The following SLC44A5 variants were observed in gnomAD, a reference collection of about 807,000 sequenced individuals.
The protein encoded by SLC44A5 is choline transporter-like protein 5.
Under a neutral mutation model 101.8 loss-of-function variants are expected in SLC44A5, and 57 were observed. The ratio of observed to expected loss-of-function variants is 0.56; its 90% CI spans 0.45 to 0.70. The LOEUF is 0.70. Among genes scored for constraint, SLC44A5 ranks in the 30% least tolerant of loss-of-function variants. The pLI, the probability that SLC44A5 is intolerant of heterozygous loss-of-function variation, is 0.00. For synonymous variants in SLC44A5, 281 were observed against 290.9 expected, an observed-to-expected ratio of 0.97 and a Z score of 0.35; for missense variants, 737 against 853.1, an observed-to-expected ratio of 0.86 and a Z score of 1.70.
At chr1:75,693,137 C>A in the SLC44A5 span, among the ~76,000 whole-genome samples, 1 of 152,138 alleles carries the variant, frequency 6.6e-6, no homozygotes, top group Non-Finnish European at 1.5e-5. Context: ...GTATCAAAGA[C>A]TGAATTGGAA....
At chr1:75,667,477 C>A in the SLC44A5 span, among the ~76,000 whole-genome samples, 2 of 152,240 alleles carry the variant, frequency 1.3e-5, no homozygotes, top group East Asian at 3.9e-4. Flanking sequence ...TAGGAAGAAT[C>A]AATATCATGA....
chr1:75,333,469 T>TC (rs1451080091), intron 4 of SLC44A5, among the ~76,000 whole-genome samples: 3 of 151,584 alleles, frequency 2.0e-5, no homozygotes, highest in Non-Finnish European at 4.4e-5. Context: ...TTTTTTTTTT[T>TC]TTGCACTTTA....
At chr1:75,512,360 A>T (rs1231177113) in intron 2 of SLC44A5, among the ~76,000 whole-genome samples, 1 of 152,218 alleles carries the variant, frequency 6.6e-6, no homozygotes, top group East Asian at 1.9e-4. Context: ...CTGGGTTTAG[A>T]CTAAGCAAAA....
chr1:75,519,198 G>A (rs1475445902), intron 2 of SLC44A5, among the ~76,000 whole-genome samples: 1 of 152,162 alleles, frequency 6.6e-6, no homozygotes, highest in African/African-American at 2.4e-5. Context: ...CAAAGTGTGA[G>A]CGCTTTCAGG....
At chr1:75,472,578 C>T (rs1414946796) in intron 2 of SLC44A5, among the ~76,000 whole-genome samples, 1 of 152,134 alleles carries the variant, frequency 6.6e-6, no homozygotes, top group Non-Finnish European at 1.5e-5. Flanking sequence ...CCCAGGGTGC[C>T]TCAAGACCAT....
chr1:75,565,608 C>T (rs995960726), intron 1 of SLC44A5, among the ~76,000 whole-genome samples: 4 of 152,182 alleles, frequency 2.6e-5, no homozygotes, highest in African/African-American at 9.7e-5. Flanking sequence ...TTTCTTTCTC[C>T]TTCACTCCAG....
At chr1:75,436,931 G>A (rs1664924876) in intron 2 of SLC44A5, among the ~76,000 whole-genome samples, 1 of 151,874 alleles carries the variant, frequency 6.6e-6, no homozygotes, top group Non-Finnish European at 1.5e-5. Flanking sequence ...AGGCCAACAC[G>A]AGGTTAGGAT....
At chr1:75,219,420 C>A in intron 15 of SLC44A5, 76 bp from the exon 16 acceptor site, 1 of 929,892 alleles carries the variant, frequency 1.1e-6, no homozygotes, top group Non-Finnish European at 1.8e-6. Flanking sequence ...ATACTGACAA[C>A]TCAAAAGTGC....
intron 2 of SLC44A5, among the ~76,000 whole-genome samples, chr1:75,520,779 T>C (rs1670074961): frequency 2.0e-5 from 3 of 152,162 alleles, no homozygotes; most frequent in African/African-American, 4.8e-5. Context: ...AGAGTATGCT[T>C]GTAAGAAAAT....
rs139716640 is a variant in SLC44A5 at position 75,549,493 on chromosome 1, G to A, written c.-69-7977C>T. On this transcript the variant is annotated intron_variant, in intron 1 of 23. Transcript: ENST00000370859. ...TTACTCTATCTCATTTTCAATACCT[G>A]TGACCTTTCTCATTTTATTCATTTA... Among the ~76,000 whole-genome samples, 871 of 152,224 alleles carry A rather than the reference G, an allele frequency of 5.7e-3. 15 individuals carry two copies. Among genetic ancestry groups the A allele is most frequent in the Admixed American group, 0.035 (535 of 15,266 alleles).
intron 1 of SLC44A5, among the ~76,000 whole-genome samples, chr1:75,608,582 G>T (rs1221181453): frequency 6.6e-6 from 1 of 151,898 alleles, no homozygotes; most frequent in Non-Finnish European, 1.5e-5. Flanking sequence ...AAAAACCAAA[G>T]TCTTAAAACT....
At chr1:75,672,792 G>GT in the SLC44A5 span, among the ~76,000 whole-genome samples, 1 of 152,188 alleles carries the variant, frequency 6.6e-6, no homozygotes, top group Non-Finnish European at 1.5e-5. Flanking sequence ...AACAGGCAGA[G>GT]TCCTGAGGCA....
chr1:75,689,823 T>A, the SLC44A5 span, among the ~76,000 whole-genome samples: 1 of 152,232 alleles, frequency 6.6e-6, no homozygotes, highest in Non-Finnish European at 1.5e-5. Flanking sequence ...TTATTACTAC[T>A]AATCTTTGGT....
chr1:75,388,107 T>C (rs1661508348), intron 3 of SLC44A5, among the ~76,000 whole-genome samples: 1 of 138,754 alleles, frequency 7.2e-6, no homozygotes, highest in Non-Finnish European at 1.5e-5. Context: ...ATATACCTAA[T>C]GCTAGATGAC....
chr1:75,502,586 G>T (rs1284408096), intron 2 of SLC44A5, among the ~76,000 whole-genome samples: 3 of 151,524 alleles, frequency 2.0e-5, no homozygotes, highest in Non-Finnish European at 2.9e-5. Flanking sequence ...TAAGTTCTAG[G>T]GTACATGTGC....
At chr1:75,402,470 A>G (rs1662547873) in intron 2 of SLC44A5, 1 of 391,916 alleles carries the variant, frequency 2.6e-6, no homozygotes, top group Non-Finnish European at 5.3e-6. Flanking sequence ...TGATTTCTGC[A>G]TTTTGAACTG....
intron 2 of SLC44A5, among the ~76,000 whole-genome samples, chr1:75,476,441 G>A (rs1002598400): frequency 7.5e-4 from 114 of 152,316 alleles, no homozygotes; most frequent in Middle Eastern, 6.8e-3. Context: ...GCCGAAGCAG[G>A]GCGAGGCATT....
chr1:75,238,763 A>T (rs1015707483), intron 9 of SLC44A5, 127 bp from the exon 10 acceptor site: 7 of 525,302 alleles, frequency 1.3e-5, no homozygotes, highest in African/African-American at 7.9e-5. Flanking sequence ...CTCAATATAG[A>T]TAGCTCATTG....
chr1:75,331,748 C>G (rs1657073473), intron 4 of SLC44A5, among the ~76,000 whole-genome samples: 1 of 152,174 alleles, frequency 6.6e-6, no homozygotes. Flanking sequence ...TTGCTGCACT[C>G]ACACGGGCCT....
Sources: gnomAD v4.1 joint callset for allele counts (sites outside exome capture counted in the v4.1 genomes callset) on GRCh38, gnomAD v4.1.1 for gene constraint, MANE v1.5 for transcripts, NCBI Gene and HGNC (gene_info 2026-07-23, HGNC 2026-07-21) for gene names.